ROBO1: variants seen among roughly 807,000 people sequenced by gnomAD.
ROBO1 encodes roundabout guidance receptor 1.
ROBO1 carries 149 observed loss-of-function variants against 195.9 expected under a neutral mutation model. The observed-to-expected ratio is 0.76, with a 90% CI of 0.67 to 0.87. ROBO1 has a LOEUF of 0.87. Among genes scored for constraint, ROBO1 ranks in the 40% least tolerant of loss-of-function variants. The pLI is 0.00. For missense variants in ROBO1, 1,933 were observed against 2,068.3 expected (o/e 0.93, Z 1.27); for synonymous variants, 816 against 733.2 (o/e 1.11, Z -1.82).
At chr3:79,473,352 C>T (rs1938383617) in intron 2 of ROBO1, among the ~76,000 whole-genome samples, 1 of 152,098 alleles carries the variant, frequency 6.6e-6, no homozygotes, top group Admixed American at 6.6e-5. Flanking sequence ...TAAATTGTCT[C>T]TCAGAGACTC....
chr3:79,603,013 T>C (rs760840592), intron 1 of ROBO1, among the ~76,000 whole-genome samples: 3 of 152,042 alleles, frequency 2.0e-5, no homozygotes, highest in Non-Finnish European at 4.4e-5. Flanking sequence ...TCACTGACTC[T>C]TAACTACTTC....
chr3:79,735,423 C>T (rs766669270), intron 1 of ROBO1, among the ~76,000 whole-genome samples: 1 of 152,090 alleles, frequency 6.6e-6, no homozygotes, highest in Non-Finnish European at 1.5e-5. Flanking sequence ...ATAGCATGCA[C>T]GTTCAAATCT....
At chr3:79,398,340 T>C (rs2037229695) in intron 2 of ROBO1, among the ~76,000 whole-genome samples, 1 of 152,168 alleles carries the variant, frequency 6.6e-6, no homozygotes, top group Admixed American at 6.5e-5. Flanking sequence ...TTTTAATATA[T>C]AATTCTTAGA....
chr3:79,668,292 A>C (rs1373840352), intron 1 of ROBO1, among the ~76,000 whole-genome samples: 1 of 151,562 alleles, frequency 6.6e-6, no homozygotes, highest in African/African-American at 2.4e-5. Flanking sequence ...TCCTTCCATG[A>C]AAAAGCACAG....
intron 3 of ROBO1, among the ~76,000 whole-genome samples, chr3:79,022,295 A>G (rs1008693729): frequency 1.2e-4 from 19 of 152,214 alleles, no homozygotes; most frequent in Admixed American, 9.8e-4. Flanking sequence ...TGCTATAGGG[A>G]CAAGATGCAA....
chr3:79,499,599 C>A (rs550818741), intron 2 of ROBO1, among the ~76,000 whole-genome samples: 2 of 152,158 alleles, frequency 1.3e-5, no homozygotes, highest in East Asian at 3.9e-4. Context: ...ACAAGCAGAT[C>A]ATTAAACACA....
At chr3:79,553,399 G>A (rs1942591099) in intron 2 of ROBO1, among the ~76,000 whole-genome samples, 1 of 151,948 alleles carries the variant, frequency 6.6e-6, no homozygotes, top group South Asian at 2.1e-4. Flanking sequence ...TAAATACACA[G>A]GATACAGTTT....
At chr3:79,581,301 C>T (rs1157513058) in intron 2 of ROBO1, among the ~76,000 whole-genome samples, 3 of 152,162 alleles carry the variant, frequency 2.0e-5, no homozygotes, top group Non-Finnish European at 2.9e-5. Context: ...ATGAGGCACT[C>T]TGTTTGCTGC....
chr3:79,252,215 G>A (rs935653729), intron 2 of ROBO1, among the ~76,000 whole-genome samples: 1 of 151,996 alleles, frequency 6.6e-6, no homozygotes, highest in Non-Finnish European at 1.5e-5. Flanking sequence ...ATTTGGGTTG[G>A]ATAGTGTCTG....
chr3:78,976,813 C>A (rs74764524), intron 3 of ROBO1, among the ~76,000 whole-genome samples: 3,700 of 152,186 alleles, frequency 0.024, 147 homozygotes, highest in African/African-American at 0.084. Context: ...CATGAGATAA[C>A]CCTATGCATA....
chr3:78,643,743 G>T (rs1706110556), intron 21 of ROBO1, among the ~76,000 whole-genome samples: 1 of 152,120 alleles, frequency 6.6e-6, no homozygotes, highest in Non-Finnish European at 1.5e-5. Flanking sequence ...CATTTCAAAA[G>T]ATCGTTCTGT....
At chr3:79,035,463 C>T (rs959709826) in intron 3 of ROBO1, among the ~76,000 whole-genome samples, 2 of 152,064 alleles carry the variant, frequency 1.3e-5, no homozygotes, top group African/African-American at 4.8e-5. Flanking sequence ...CTCATGCCTG[C>T]AATCCCGGCA....
intron 3 of ROBO1, among the ~76,000 whole-genome samples, chr3:79,057,357 C>A (rs1180358018): frequency 6.6e-6 from 1 of 152,014 alleles, no homozygotes; most frequent in Non-Finnish European, 1.5e-5. Flanking sequence ...GATCATCAAT[C>A]CCCTGTCTGG....
At chr3:78,627,256 G>C (rs1389445635) in intron 26 of ROBO1, 65 bp downstream of exon 26, 1 of 1,531,534 alleles carries the variant, frequency 6.5e-7, no homozygotes, top group East Asian at 2.3e-5. Flanking sequence ...GATAGCATTT[G>C]GTAACTTCCA....
intron 4 of ROBO1, among the ~76,000 whole-genome samples, chr3:78,904,127 CATAT>C (rs1328155029): frequency 6.6e-6 from 1 of 151,102 alleles, no homozygotes; most frequent in Non-Finnish European, 1.5e-5. Flanking sequence ...ATATATACAA[CATAT>C]ATATACATAT....
chr3:79,673,913 C>G (rs1405653022), intron 1 of ROBO1, among the ~76,000 whole-genome samples: 1 of 151,964 alleles, frequency 6.6e-6, no homozygotes, highest in African/African-American at 2.4e-5. Flanking sequence ...ATACAAAACT[C>G]TCCTCATTTT....
Position 79,718,525 on chromosome 3 carries a change from TATG to T in ROBO1, c.-51+49224_-51+49226del, listed in dbSNP as rs1466880673. ...CCATTCTTTGATTTTTCTCACTAAT[TATG>T]ATATGTATTATAGTGTTATAATCAT... On this transcript the variant is annotated intron_variant, in intron 1 of 30. Coordinates refer to ENST00000464233, the MANE Select transcript of ROBO1 (RefSeq NM_002941.4). 2.0e-5 allele frequency among the ~76,000 whole-genome samples: 3 copies of T among 152,122 alleles called. No homozygotes were observed. In the East Asian group the frequency reaches 5.8e-4, roughly 29 times the overall value.
At chr3:78,859,990 A>G (rs1320765296) in intron 4 of ROBO1, among the ~76,000 whole-genome samples, 1 of 151,920 alleles carries the variant, frequency 6.6e-6, no homozygotes, top group Non-Finnish European at 1.5e-5. Context: ...GAGGCAGGAG[A>G]ATGGCATGAA....
At chr3:79,740,236 A>AATATAT (rs34984469) in intron 1 of ROBO1, among the ~76,000 whole-genome samples, 5,791 of 143,554 alleles carry the variant, frequency 0.04, 143 homozygotes, top group Non-Finnish European at 0.058. Flanking sequence ...TTTATATATA[A>AATATAT]ATATATATAT....
Sources: allele counts gnomAD v4.1 joint callset (sites outside exome capture counted in the v4.1 genomes callset), GRCh38; gene constraint gnomAD v4.1.1; transcripts MANE v1.5; gene names NCBI Gene and HGNC (gene_info 2026-07-23, HGNC 2026-07-21).